PCDHGA2: variants seen among roughly 807,000 people sequenced by gnomAD.
The protein encoded by PCDHGA2 is protocadherin gamma-A2.
A neutral mutation model predicts 59.2 loss-of-function variants in PCDHGA2; 40 were observed. The observed-to-expected ratio is 0.68, with a 90% confidence interval of 0.52 to 0.88. The LOEUF is 0.88. Ranked by LOEUF, PCDHGA2 falls within the 40% of genes least tolerant of loss-of-function variation. The pLI is 0.00. For synonymous variants in PCDHGA2, 560 were observed against 526.0 expected, an observed-to-expected ratio of 1.06 and a Z score of -0.89; for missense variants, 1,226 against 1,204.0, an observed-to-expected ratio of 1.02 and a Z score of -0.27.
chr5:141,498,230 C>T (rs2099782452), intron 2 of PCDHGA2, among the ~76,000 whole-genome samples: 1 of 152,200 alleles, frequency 6.6e-6, no homozygotes, highest in African/African-American at 2.4e-5. Flanking sequence ...GATGGTCAGG[C>T]ATACCAGCTT....
At chr5:141,394,303 AG>A in intron 1 of PCDHGA2, 2 of 1,613,924 alleles carry the variant, frequency 1.2e-6, no homozygotes, top group East Asian at 2.2e-5. Context: ...GACACGCTGC[AG>A]GGGGCGCCCC....
rs770678698 is a variant in PCDHGA2 at position 141,384,022 on chromosome 5, G to A, written c.2424+42627G>A. On this transcript the variant is annotated intron_variant, in intron 1 of 3. Transcript: ENST00000394576. ...TGCTCTTTTCTACCTACAAGACAGA[G>A]ATTCTGGAAAGAATGGTGAGGTGAC... 3 of 1,613,562 alleles carry A rather than the reference G, an allele frequency of 1.9e-6. No individual in the cohort carries two copies. The highest frequency in any genetic ancestry group is 2.5e-6 in the Non-Finnish European group (3 of 1,179,762).
chr5:141,346,371 A>G (rs772289069), intron 1 of PCDHGA2: 6 of 1,613,258 alleles, frequency 3.7e-6, no homozygotes, highest in East Asian at 2.2e-5. Context: ...GGACACGCTC[A>G]TCAGCCAGGA....
At chr5:141,454,625 C>T (rs1193628253) in intron 1 of PCDHGA2, among the ~76,000 whole-genome samples, 2 of 151,512 alleles carry the variant, frequency 1.3e-5, no homozygotes, top group East Asian at 1.9e-4. Flanking sequence ...AGGCTGGTCT[C>T]GAACCCCCAA....
chr5:141,375,876 C>T, intron 1 of PCDHGA2: 1 of 1,613,848 alleles, frequency 6.2e-7, no homozygotes, highest in Non-Finnish European at 8.5e-7. Context: ...GACAGAGACT[C>T]GGGCCAGAAC....
intron 1 of PCDHGA2, chr5:141,395,051 A>G: frequency 6.2e-7 from 1 of 1,614,178 alleles, no homozygotes; most frequent in Non-Finnish European, 8.5e-7. Flanking sequence ...TTGAGGAGGT[A>G]CAGGCTTTCC....
In PCDHGA2 at chr5:141,511,131, C is replaced by T; in HGVS notation, c.2757C>T (p.Gly919=). ...GGGATGGCAAGGCCCCAGCAGGTGG[C>T]AATGGCAACAAGAAGAAGTCGGGCA... is the stretch of plus-strand genomic sequence containing the variant. ...GKRDGKAPAG[G]NGNKKKSGKK... is the part of the protein sequence containing the mutation. The change falls in exon 4 of 4, where the codon GGC becomes GGT. Residue 919 remains glycine (G), a synonymous_variant. Coordinates refer to ENST00000394576, the MANE Select transcript of PCDHGA2 (RefSeq NM_018915.4). 2 of 1,614,202 alleles carry T rather than the reference C, an allele frequency of 1.2e-6. No homozygotes were observed. Among genetic ancestry groups the T allele is most frequent in the Non-Finnish European group, 1.7e-6 (2 of 1,180,020 alleles).
intron 1 of PCDHGA2, chr5:141,398,251 C>G (rs753114593): frequency 6.8e-7 from 1 of 1,464,006 alleles, no homozygotes; most frequent in East Asian, 2.5e-5. Flanking sequence ...CGAGGAAATG[C>G]CCAAGGGCTC....
chr5:141,375,843 T>C (rs762152746), intron 1 of PCDHGA2: 1 of 1,614,046 alleles, frequency 6.2e-7, no homozygotes, highest in Admixed American at 1.7e-5. Context: ...CCCGGCTACC[T>C]GGTGACCAAG....
intron 1 of PCDHGA2, chr5:141,361,952 A>G (rs748413942): frequency 4.4e-6 from 7 of 1,603,624 alleles, no homozygotes; most frequent in East Asian, 2.2e-5. Context: ...TGGCTGTCCT[A>G]CCACGTGCTG....
chr5:141,490,346 T>A lies in PCDHGA2; in HGVS notation c.2425-4461T>A. On this transcript the variant is annotated intron_variant, in intron 1 of 3. Coordinates refer to ENST00000394576, the MANE Select transcript of PCDHGA2 (RefSeq NM_018915.4). This position sits in a 1 kb window ranked among gnomAD's most constrained non-coding sequence, Gnocchi z 5.4. ...GAGAGCACACCAGTGGGCACAGTAG[T>A]GGGGTTGTTTAATGTGCGAGACCGG... The A allele has an allele frequency of 6.2e-7, 1 of 1,614,164 alleles. No individual in the cohort carries two copies. The highest frequency in any genetic ancestry group is 8.5e-7 in the Non-Finnish European group (1 of 1,180,020).
chr5:141,432,887 T>A lies in PCDHGA2; in HGVS notation c.2425-61920T>A, dbSNP rs146168033. On this transcript the variant is annotated intron_variant, in intron 1 of 3. Coordinates refer to ENST00000394576, the MANE Select transcript of PCDHGA2 (RefSeq NM_018915.4). The surrounding 1 kb of genome is among the most constrained non-coding windows in gnomAD (Gnocchi z 6.0). ...CTGCGTCTTCCTGGCCTTCGTCATC[T>A]TGCTGCTGGCGCTCAGGCTGCGGCG... 1.2e-6 allele frequency: 2 copies of A among 1,614,056 alleles called. No homozygotes were observed. Among genetic ancestry groups the A allele is most frequent in the Non-Finnish European group, 1.7e-6 (2 of 1,179,998 alleles).
chr5:141,391,895 A>C (rs1315243362), intron 1 of PCDHGA2: 1 of 152,202 alleles, frequency 6.6e-6, no homozygotes, highest in Non-Finnish European at 1.5e-5. Context: ...GATGGGATGG[A>C]GCTTTGCTTT....
chr5:141,400,636 G>T (rs1478195116), intron 1 of PCDHGA2: 4 of 1,325,644 alleles, frequency 3.0e-6, no homozygotes, highest in Non-Finnish European at 4.2e-6. Context: ...AGTCAGAGCT[G>T]CTCAGAAAGC....
At chr5:141,410,858 T>A in intron 1 of PCDHGA2, 1 of 436,188 alleles carries the variant, frequency 2.3e-6, no homozygotes, top group Non-Finnish European at 3.8e-6. Context: ...TCTTTTTTTT[T>A]TTTTTTTTTT....
At chr5:141,422,725 G>C (rs1424048338) in intron 1 of PCDHGA2, 1 of 1,606,156 alleles carries the variant, frequency 6.2e-7, no homozygotes, top group African/African-American at 1.3e-5. Flanking sequence ...TGTCCAGGGG[G>C]TGCCTCTGTC....
chr5:141,475,938 G>T (rs756781296), intron 1 of PCDHGA2: 22 of 682,776 alleles, frequency 3.2e-5, no homozygotes, highest in African/African-American at 7.2e-5. Flanking sequence ...GCCCCTGCCC[G>T]TCCCCTTTCT....
intron 1 of PCDHGA2, chr5:141,427,790 C>G: frequency 6.7e-7 from 1 of 1,482,224 alleles, no homozygotes; most frequent in South Asian, 1.1e-5. Flanking sequence ...TGTCGTCCTA[C>G]GTGTCCGTGA....
intron 1 of PCDHGA2, chr5:141,404,272 G>A (rs2094505108): frequency 6.2e-7 from 1 of 1,613,834 alleles, no homozygotes; most frequent in Non-Finnish European, 8.5e-7. Flanking sequence ...ACATCACCCT[G>A]CAAGTGACTG....
Sources: gnomAD v4.1 joint callset for allele counts (sites outside exome capture counted in the v4.1 genomes callset) on GRCh38, gnomAD v4.1.1 for gene constraint, Gnocchi (gnomAD v3.1) non-coding constraint, MANE v1.5 for transcripts, NCBI Gene and HGNC (gene_info 2026-07-23, HGNC 2026-07-21) for gene names.